PC: variants seen among roughly 807,000 people sequenced by gnomAD.
PC encodes the protein pyruvate carboxylase, also known as pyruvate carboxylase, mitochondrial.
A neutral mutation model predicts 107.8 loss-of-function variants in PC; 46 were observed. The observed-to-expected ratio is 0.43, with a 90% CI of 0.34 to 0.55. The LOEUF (loss-of-function observed/expected upper bound fraction) is 0.55, where lower values mean the gene tolerates loss of function less well. PC is among the 20% of genes least tolerant of loss of function. The probability of loss-of-function intolerance (pLI) is 0.04; values close to 1 mark genes in which losing one functional copy is unlikely to be tolerated. For synonymous variants in PC, 662 were observed against 684.7 expected, an observed-to-expected ratio of 0.97 and a Z score of 0.52; for missense variants, 1,241 against 1,643.1, an observed-to-expected ratio of 0.76 and a Z score of 4.23.
intron 3 of PC, among the ~76,000 whole-genome samples, chr11:66,875,338 T>C (rs115923925): frequency 0.029 from 4,360 of 151,956 alleles, 96 homozygotes; most frequent in African/African-American, 0.05. Flanking sequence ...AGAAATCCTG[T>C]ATGGGTGGGT....
At chr11:66,862,231 C>T (rs1288189121) in intron 12 of PC, among the ~76,000 whole-genome samples, 1 of 152,164 alleles carries the variant, frequency 6.6e-6, no homozygotes, top group Non-Finnish European at 1.5e-5. Flanking sequence ...ACAGGGACCC[C>T]CAACAGGGAG....
chr11:66,922,859 A>G (rs1948626334), intron 3 of PC, among the ~76,000 whole-genome samples: 1 of 152,248 alleles, frequency 6.6e-6, no homozygotes, highest in African/African-American at 2.4e-5. Context: ...GCTTGCTGTT[A>G]GCTAAAACAG....
At chr11:66,876,158 C>A (rs1270860569) in intron 3 of PC, among the ~76,000 whole-genome samples, 1 of 152,160 alleles carries the variant, frequency 6.6e-6, no homozygotes, top group Non-Finnish European at 1.5e-5. Flanking sequence ...GACAACGATA[C>A]AATTTAAATA....
Position 66,848,497 on chromosome 11 carries a change from TG to T in PC, c.*401del. The T allele has an allele frequency of 3.5e-6, 2 of 576,170 alleles. No homozygotes were observed. The highest frequency in any genetic ancestry group is 6.1e-6 in the Non-Finnish European group (2 of 326,292). The allele number at this position is 576,170 out of a possible 1,614,324, so 35.7% of individuals were successfully genotyped here. A position where few individuals can be genotyped will look rare whatever the true frequency, so the allele number is the denominator to read the frequency against. On this transcript the variant is annotated 3_prime_UTR_variant, in exon 23 of 23. Transcript: ENST00000393960. Reference sequence around the variant, plus strand: ...CCCCCCACTGCTGAGTGGTGCAGGCTGGGGGCTGCACAGGATCCAGCATGGA... The same window carrying T: ...CCCCCCACTGCTGAGTGGTGCAGGCTGGGGCTGCACAGGATCCAGCATGGA...
chr11:66,889,653 C>CA (rs1189079311), intron 3 of PC, among the ~76,000 whole-genome samples: 1 of 152,072 alleles, frequency 6.6e-6, no homozygotes, highest in Admixed American at 6.6e-5. Context: ...GGATTACAAG[C>CA]ATGAGCTAAT....
chr11:66,863,998 C>T lies in PC; in HGVS notation c.1186-42G>A, dbSNP rs139042732. 3.5e-4 allele frequency: 564 copies of T among 1,606,398 alleles called. 2 individuals are homozygous for T. The highest frequency in any genetic ancestry group is 3.6e-4 in the Non-Finnish European group (424 of 1,174,202). ...GCGTGAGGACCTGCGCCAGAAACTG[C>T]GGTCAAAAGTGCCCCACCCACCCCG... On this transcript the variant is annotated intron_variant, in intron 11 of 22. Transcript: ENST00000393960.
chr11:66,928,930 A>G (rs1948782685), intron 3 of PC, among the ~76,000 whole-genome samples: 1 of 152,208 alleles, frequency 6.6e-6, no homozygotes, highest in South Asian at 2.1e-4. Flanking sequence ...ACCAGGGACA[A>G]GGAGGGTCAG....
At position 66,850,235 on chromosome 11, in the gene PC, C is replaced by T. The variant is rs187166676; in HGVS notation, c.2703G>A (p.Leu901=). The T allele has an allele frequency of 3.2e-5, 52 of 1,614,054 alleles. No individual in the cohort carries two copies. The highest frequency in any genetic ancestry group is 4.1e-5 in the Non-Finnish European group (48 of 1,180,032). The part of the protein sequence containing the change: ...KKAYVEANQM[L]GDLIKVTPSS... The stretch of plus-strand genomic sequence containing the variant: ...CCGGGCTCACCTTGATGAGATCGCC[C>T]AGCATCTGGTTGGCCTCCACATAGG... Residue 901 remains leucine, a synonymous_variant, in exon 19 of 23, where the codon CTG becomes CTA. Coordinates refer to ENST00000393960, the MANE Select transcript of PC (RefSeq NM_001040716.2).
intron 9 of PC, 34 bp from the exon 10 acceptor site, chr11:66,868,998 C>T: frequency 3.9e-6 from 6 of 1,519,894 alleles, no homozygotes; most frequent in Non-Finnish European, 5.5e-6. Flanking sequence ...GGGGAGGGCA[C>T]AGGCAGGGCC....
At chr11:66,950,599 A>G (rs1949413549) in intron 3 of PC, among the ~76,000 whole-genome samples, 1 of 152,220 alleles carries the variant, frequency 6.6e-6, no homozygotes. Flanking sequence ...GCAAAGCTCA[A>G]GTCAGCAGTG....
At chr11:66,911,031 T>C (rs991885387) in intron 3 of PC, among the ~76,000 whole-genome samples, 7 of 152,184 alleles carry the variant, frequency 4.6e-5, no homozygotes, top group Non-Finnish European at 7.4e-5. Flanking sequence ...TCTTGTGGAG[T>C]TGCTATGAGA....
intron 3 of PC, among the ~76,000 whole-genome samples, chr11:66,942,604 A>G: frequency 6.6e-6 from 1 of 152,066 alleles, no homozygotes; most frequent in East Asian, 1.9e-4. Context: ...AGGAGTCAGG[A>G]TTTAAGGGTT....
chr11:66,949,228 G>A (rs1465443727), intron 3 of PC, among the ~76,000 whole-genome samples: 2 of 151,414 alleles, frequency 1.3e-5, no homozygotes, highest in Non-Finnish European at 2.9e-5. Context: ...TCTTGACCTC[G>A]TGATCTGCCC....
chr11:66,887,431 T>C (rs1565262762), intron 3 of PC, among the ~76,000 whole-genome samples: 1 of 152,074 alleles, frequency 6.6e-6, no homozygotes, highest in East Asian at 1.9e-4. Flanking sequence ...AGAAAAGCTA[T>C]TGCATCCATT....
chr11:66,864,873 TG>T (rs1946426119), intron 11 of PC, among the ~76,000 whole-genome samples: 1 of 148,794 alleles, frequency 6.7e-6, no homozygotes, highest in Non-Finnish European at 1.5e-5. Flanking sequence ...AGAAGGGGAG[TG>T]GGGGGACCGC....
intron 12 of PC, 121 bp from the exon 13 acceptor site, chr11:66,853,504 C>T: frequency 1.7e-6 from 2 of 1,195,530 alleles, no homozygotes; most frequent in Non-Finnish European, 1.2e-6. Flanking sequence ...GCTTCTGGGC[C>T]TCCCTGCAGA....
At chr11:66,894,552 C>T (rs1265859099) in intron 3 of PC, among the ~76,000 whole-genome samples, 6 of 152,226 alleles carry the variant, frequency 3.9e-5, no homozygotes, top group Admixed American at 6.5e-5. Context: ...GAAGCTGGAG[C>T]GCAGCTCGCG....
At position 66,848,559 on chromosome 11, in the gene PC, C is replaced by T; in HGVS notation, c.*340G>A. 2 of 595,736 alleles carry T rather than the reference C, an allele frequency of 3.4e-6. No homozygotes were observed. Among genetic ancestry groups the T allele is most frequent in the Admixed American group, 3.0e-5 (1 of 33,144 alleles). The allele number at this position is 595,736 out of a possible 1,614,324, so 36.9% of individuals were successfully genotyped here. A position where few individuals can be genotyped will look rare whatever the true frequency, so the allele number is the denominator to read the frequency against. On this transcript the variant is annotated 3_prime_UTR_variant, in exon 23 of 23. Coordinates refer to ENST00000393960, the MANE Select transcript of PC (RefSeq NM_001040716.2). ...AAGCCAGCTTTATTGAGTAAACTTC[C>T]CAGGACCTGGGACATCTTAGATCTC...
chr11:66,866,412 T>G lies in PC; in HGVS notation c.1023-63A>C. The G allele has an allele frequency of 9.4e-6, 10 of 1,067,986 alleles. No homozygotes were observed. Among genetic ancestry groups the G allele is most frequent in the Non-Finnish European group, 9.8e-6 (7 of 711,186 alleles). 66.2% of individuals were successfully genotyped at this position (1,067,986 alleles called of 1,614,324 possible). A position where few individuals can be genotyped will look rare whatever the true frequency, so the allele number is the denominator to read the frequency against. ...AAAGGGGGAAACATGAGGCGGGGGA[T>G]AGACGAGGGGCACCGCAGCCAGTGG... On this transcript the variant is annotated intron_variant, in intron 10 of 22. Coordinates refer to ENST00000393960, the MANE Select transcript of PC (RefSeq NM_001040716.2). The surrounding 1 kb of genome is among the most constrained non-coding windows in gnomAD (Gnocchi z 5.4).
Sources: allele counts gnomAD v4.1 joint callset (sites outside exome capture counted in the v4.1 genomes callset), GRCh38; gene constraint gnomAD v4.1.1; non-coding constraint Gnocchi (gnomAD v3.1); transcripts MANE v1.5; gene names NCBI Gene and HGNC (gene_info 2026-07-23, HGNC 2026-07-21).